Variants in UNC13C observed in about 807,000 individuals in gnomAD.
UNC13C encodes unc-13 homolog C, also known as protein unc-13 homolog C.
A neutral mutation model predicts 245.4 loss-of-function variants in UNC13C; 174 were observed. The ratio of observed to expected loss-of-function variants is 0.71; its 90% CI spans 0.63 to 0.80. The LOEUF is 0.80. UNC13C is among the 30% of genes least tolerant of loss of function. The probability of loss-of-function intolerance (pLI) is 0.00; values close to 1 mark genes in which losing one functional copy is unlikely to be tolerated. For missense variants in UNC13C, 2,829 were observed against 2,602.9 expected (o/e 1.09, Z -1.89); for synonymous variants, 992 against 895.1 (o/e 1.11, Z -1.93).
chr15:54,263,055 C>T (rs972627072), intron 8 of UNC13C, among the ~76,000 whole-genome samples: 9 of 152,050 alleles, frequency 5.9e-5, no homozygotes, highest in African/African-American at 2.2e-4. Flanking sequence ...CCCATTTAAT[C>T]TCTAAATAGT....
intron 4 of UNC13C, among the ~76,000 whole-genome samples, chr15:54,146,753 A>G (rs1362860550): frequency 6.6e-6 from 1 of 152,224 alleles, no homozygotes; most frequent in African/African-American, 2.4e-5. Context: ...AGCACACAGC[A>G]ACTCAATATG....
chr15:53,882,533 G>C, the UNC13C span, among the ~76,000 whole-genome samples: 1 of 152,132 alleles, frequency 6.6e-6, no homozygotes, highest in Non-Finnish European at 1.5e-5. Context: ...AAGCCTTGAT[G>C]ACTTGTATAG....
At chr15:54,178,430 A>G (rs991306120) in intron 4 of UNC13C, among the ~76,000 whole-genome samples, 2 of 152,170 alleles carry the variant, frequency 1.3e-5, no homozygotes, top group Non-Finnish European at 2.9e-5. Context: ...CTATTCATGA[A>G]GTATCTCAAA....
intron 1 of UNC13C, among the ~76,000 whole-genome samples, chr15:53,985,496 C>G (rs969345519): frequency 2.6e-5 from 4 of 151,756 alleles, no homozygotes; most frequent in Non-Finnish European, 5.9e-5. Context: ...TATACATGAA[C>G]TGTCTACCAC....
At chr15:54,324,808 T>C (rs560997983) in intron 14 of UNC13C, among the ~76,000 whole-genome samples, 77 of 152,174 alleles carry the variant, frequency 5.1e-4, no homozygotes, top group African/African-American at 1.8e-3. Context: ...GTGAAGCAAT[T>C]GAGGTTGAAG....
chr15:54,478,806 T>C (rs1277783427), intron 19 of UNC13C, among the ~76,000 whole-genome samples: 1 of 151,798 alleles, frequency 6.6e-6, no homozygotes, highest in East Asian at 1.9e-4. Context: ...GGGTGGAGAG[T>C]TCTGTAGATG....
At chr15:53,892,885 C>G in the UNC13C span, among the ~76,000 whole-genome samples, 28,290 of 152,032 alleles carry the variant, frequency 0.19, 2,962 homozygotes, top group East Asian at 0.29. Context: ...ATTCATCAAA[C>G]TCATTCTCCA....
At chr15:53,891,571 A>T in the UNC13C span, among the ~76,000 whole-genome samples, 1 of 152,168 alleles carries the variant, frequency 6.6e-6, no homozygotes, top group African/African-American at 2.4e-5. Flanking sequence ...TATTTAAGAT[A>T]GTTAGCTCTT....
At chr15:53,986,947 TTAAC>T (rs1411879879) in intron 1 of UNC13C, among the ~76,000 whole-genome samples, 6 of 152,028 alleles carry the variant, frequency 3.9e-5, no homozygotes, top group African/African-American at 1.4e-4. Flanking sequence ...TAATGAACAA[TTAAC>T]TAATTTATCA....
At chr15:54,438,951 A>G (rs1163120340) in intron 19 of UNC13C, among the ~76,000 whole-genome samples, 2 of 151,870 alleles carry the variant, frequency 1.3e-5, no homozygotes, top group Non-Finnish European at 2.9e-5. Context: ...TATATTTTTT[A>G]ATTTAATGGG....
chr15:54,515,539 A>C (rs1344302106), intron 24 of UNC13C, among the ~76,000 whole-genome samples: 1 of 152,238 alleles, frequency 6.6e-6, no homozygotes, highest in Non-Finnish European at 1.5e-5. Flanking sequence ...AGGTATATGA[A>C]AAAATCCAAA....
chr15:53,961,171 G>C, the UNC13C span, among the ~76,000 whole-genome samples: 4 of 152,310 alleles, frequency 2.6e-5, no homozygotes, highest in East Asian at 7.7e-4. Context: ...AGCTCTCTGG[G>C]GGCACTCCAG....
chr15:53,879,136 G>A, the UNC13C span, among the ~76,000 whole-genome samples: 43 of 152,166 alleles, frequency 2.8e-4, no homozygotes, highest in Non-Finnish European at 6.0e-4. Flanking sequence ...ATTTTTAAAT[G>A]GGTTCGATAT....
chr15:53,931,103 G>T, the UNC13C span, among the ~76,000 whole-genome samples: 6 of 152,132 alleles, frequency 3.9e-5, no homozygotes, highest in Non-Finnish European at 7.4e-5. Context: ...TAAGTGAGAT[G>T]AGCTTACCAT....
intron 30 of UNC13C, among the ~76,000 whole-genome samples, chr15:54,605,197 G>A (rs1341390714): frequency 6.6e-6 from 1 of 152,154 alleles, no homozygotes; most frequent in Non-Finnish European, 1.5e-5. Flanking sequence ...CAAACAATCA[G>A]CAACCAATTT....
chr15:54,274,557 T>C (rs1048419978), intron 10 of UNC13C, among the ~76,000 whole-genome samples: 2 of 151,982 alleles, frequency 1.3e-5, no homozygotes, highest in Non-Finnish European at 2.9e-5. Context: ...CATGCCTGTA[T>C]CTTCTATTAT....
chr15:54,307,159 A>G (rs924394420), intron 13 of UNC13C, among the ~76,000 whole-genome samples: 1 of 151,556 alleles, frequency 6.6e-6, no homozygotes, highest in African/African-American at 2.4e-5. Context: ...TATAAAAAAT[A>G]CCATCAATTG....
In UNC13C at chr15:54,012,944, T is replaced by C. The variant is rs763018634; in HGVS notation, c.41T>C (p.Ile14Thr). Residue 14 changes from isoleucine (I) to threonine (T), a missense_variant, in exon 2 of 33, where the codon ATT (isoleucine) becomes ACT (threonine). By Grantham distance (89) the Ile-to-Thr change is moderately conservative. Transcript: ENST00000260323. ...TTCAAGAGCTTGATTTTACCTTACA[T>C]TCATAAGCTTTGCAAAGGAATGTTT... Reference protein sequence around the residue: ...NFFKSLILPYIHKLCKGMFTK... With the variant: ...NFFKSLILPYTHKLCKGMFTK... 2.5e-6 allele frequency: 4 copies of C among 1,612,580 alleles called. No homozygotes were observed. Among genetic ancestry groups the C allele is most frequent in the East Asian group, 2.2e-5 (1 of 44,886 alleles).
chr15:54,204,188 A>T (rs531126080), intron 4 of UNC13C, among the ~76,000 whole-genome samples: 1 of 151,398 alleles, frequency 6.6e-6, no homozygotes, highest in Admixed American at 6.6e-5. Context: ...CATTGGGTAC[A>T]GTGTACGCTG....
Sources: allele counts gnomAD v4.1 joint callset (sites outside exome capture counted in the v4.1 genomes callset), GRCh38; gene constraint gnomAD v4.1.1; transcripts MANE v1.5; gene names NCBI Gene and HGNC (gene_info 2026-07-23, HGNC 2026-07-21).